Variants in AGPAT4 observed in about 807,000 individuals in gnomAD.
AGPAT4 encodes the protein 1-acylglycerol-3-phosphate O-acyltransferase 4.
A neutral mutation model predicts 48.0 loss-of-function variants in AGPAT4; 15 were observed. The ratio of observed to expected loss-of-function variants is 0.31; its 90% CI spans 0.21 to 0.48. The LOEUF (loss-of-function observed/expected upper bound fraction) is 0.48. Among genes scored for constraint, AGPAT4 ranks in the 20% least tolerant of loss-of-function variants. The pLI is 0.99. For synonymous variants in AGPAT4, 178 were observed against 198.7 expected (o/e 0.90, Z 0.88); for missense variants, 314 against 482.5 (o/e 0.65, Z 3.27).
Position 161,235,715 on chromosome 6 carries a change from G to A in AGPAT4, c.-89-3413C>T, listed in dbSNP as rs1782254929. On this transcript the variant is annotated intron_variant, in intron 1 of 8. Transcript: ENST00000320285. The surrounding 1 kb of genome is among the most constrained non-coding windows in gnomAD (Gnocchi z 6.2). ...GGCATCTTACAAGGCAGGAGGAAGA[G>A]CGAGAGAGAGAGAAGGGGGAGGTGC... Among the ~76,000 whole-genome samples the A allele has an allele frequency of 6.6e-6, 1 of 152,150 alleles. No homozygotes were observed. Among genetic ancestry groups the A allele is most frequent in the Non-Finnish European group, 1.5e-5 (1 of 68,032 alleles).
intron 1 of AGPAT4, among the ~76,000 whole-genome samples, chr6:161,247,086 C>CTATATGT (rs1196819832): frequency 6.6e-6 from 1 of 152,178 alleles, no homozygotes; most frequent in Non-Finnish European, 1.5e-5. Flanking sequence ...CTGCATGAGG[C>CTATATGT]TATATGTTAA....
intron 1 of AGPAT4, among the ~76,000 whole-genome samples, chr6:161,248,115 A>G (rs1562356354): frequency 6.6e-6 from 1 of 152,190 alleles, no homozygotes; most frequent in South Asian, 2.1e-4. Flanking sequence ...TACAGCTAGA[A>G]AACCCCAGTC....
At position 161,218,183 on chromosome 6, in the gene AGPAT4, A is replaced by T. The variant is rs1781708826; in HGVS notation, c.178+13853T>A. On this transcript the variant is annotated intron_variant, in intron 2 of 8. Transcript: ENST00000320285. This position sits in a 1 kb window ranked among gnomAD's most constrained non-coding sequence, Gnocchi z 4.7. Reference sequence around the variant, plus strand: ...TACCCCCGTCCACAGTGACGGTGCCAATGGTGCTGTGCTGGAAAATGGTTA... The same window carrying T: ...TACCCCCGTCCACAGTGACGGTGCCTATGGTGCTGTGCTGGAAAATGGTTA... Among the ~76,000 whole-genome samples, 1 of 152,168 alleles carries T rather than the reference A, an allele frequency of 6.6e-6. No individual in the cohort carries two copies. Among genetic ancestry groups the T allele is most frequent in the African/African-American group, 2.4e-5 (1 of 41,428 alleles).
chr6:161,134,972 T>G lies in AGPAT4; in HGVS notation c.*1568A>C, dbSNP rs1779018338. The G allele has an allele frequency of 6.8e-6, 1 of 147,244 alleles. No homozygotes were observed. Among genetic ancestry groups the G allele is most frequent in the African/African-American group, 2.5e-5 (1 of 39,312 alleles). The allele number at this position is 147,244 out of a possible 1,614,324, so 9.1% of individuals were successfully genotyped here. A position where few individuals can be genotyped will look rare whatever the true frequency, so the allele number is the denominator to read the frequency against. The stretch of plus-strand genomic sequence containing the variant: ...AGCCAGGATTTTTTCCCTTTTTCAC[T>G]TCTGTGGATTCAAATAATTCATTTG... On this transcript the variant is annotated 3_prime_UTR_variant, in exon 9 of 9. Coordinates refer to ENST00000320285, the MANE Select transcript of AGPAT4 (RefSeq NM_020133.3).
chr6:161,163,244 C>T (rs1367700666), intron 3 of AGPAT4, among the ~76,000 whole-genome samples: 1 of 152,260 alleles, frequency 6.6e-6, no homozygotes, highest in Non-Finnish European at 1.5e-5. Context: ...AATTTAAACT[C>T]ATTTCCTCTT....
rs1474176946 is a variant in AGPAT4 at position 161,218,633 on chromosome 6, C to T, written c.178+13403G>A. On this transcript the variant is annotated intron_variant, in intron 2 of 8. Transcript: ENST00000320285. The surrounding 1 kb of genome is among the most constrained non-coding windows in gnomAD (Gnocchi z 4.7). The stretch of plus-strand genomic sequence containing the variant: ...GGGGCAGGATCCTCCGCTCCACGGC[C>T]CTAGCACAGTGTATCCACATCAAAT... Among the ~76,000 whole-genome samples, 2 of 152,180 alleles carry T rather than the reference C, an allele frequency of 1.3e-5. No individual in the cohort carries two copies. Among genetic ancestry groups the T allele is most frequent in the Non-Finnish European group, 2.9e-5 (2 of 68,036 alleles).
rs770490075 is a variant in AGPAT4 at position 161,219,916 on chromosome 6, C to CAGGCAGGCGGGA, written c.178+12119_178+12120insTCCCGCCTGCCT. Among the ~76,000 whole-genome samples the CAGGCAGGCGGGA allele has an allele frequency of 9.4e-6, 1 of 105,990 alleles. No individual in the cohort carries two copies. Among genetic ancestry groups the CAGGCAGGCGGGA allele is most frequent in the Non-Finnish European group, 2.0e-5 (1 of 49,256 alleles). 69.5% of individuals were successfully genotyped at this position (105,990 alleles called of 152,430 possible). On this transcript the variant is annotated intron_variant, in intron 2 of 8. Coordinates refer to ENST00000320285, the MANE Select transcript of AGPAT4 (RefSeq NM_020133.3). The surrounding 1 kb of genome is among the most constrained non-coding windows in gnomAD (Gnocchi z 4.9). ...GCAGGCAGGCAGGCAGGCAGGCAGG[C>CAGGCAGGCGGGA]GGCAGGCAGGCAGGCAGGCAGGCAG...
rs1362289964 is a variant in AGPAT4, at chr6:161,178,016, C to T, written c.179-11599G>A. Reference sequence around the variant, plus strand: ...TGCCTGATCCTTCCTCTGAAAGCTTCGTCTCAGAGGGGCACCTGACTGTAT... The same window carrying T: ...TGCCTGATCCTTCCTCTGAAAGCTTTGTCTCAGAGGGGCACCTGACTGTAT... On this transcript the variant is annotated intron_variant, in intron 2 of 8. Coordinates refer to ENST00000320285, the MANE Select transcript of AGPAT4 (RefSeq NM_020133.3). The surrounding 1 kb of genome is among the most constrained non-coding windows in gnomAD (Gnocchi z 5.1). Among the ~76,000 whole-genome samples the T allele has an allele frequency of 2.0e-5, 3 of 152,202 alleles. No individual in the cohort carries two copies. Among genetic ancestry groups the T allele is most frequent in the Admixed American group, 1.3e-4 (2 of 15,276 alleles).
rs2115022753 is a variant in AGPAT4 at position 161,216,632 on chromosome 6, AG to A, written c.178+15403del. On this transcript the variant is annotated intron_variant, in intron 2 of 8. Coordinates refer to ENST00000320285, the MANE Select transcript of AGPAT4 (RefSeq NM_020133.3). The surrounding 1 kb of genome is among the most constrained non-coding windows in gnomAD (Gnocchi z 4.8). ...GACATGCCCGAAACGAAACCAAAAA[AG>A]GTTTAAAAGGTTTAATTGGACTTAC... is the stretch of plus-strand genomic sequence containing the variant. Among the ~76,000 whole-genome samples, 1 of 152,332 alleles carries A rather than the reference AG, an allele frequency of 6.6e-6. No homozygotes were observed. Among genetic ancestry groups the A allele is most frequent in the South Asian group, 2.1e-4 (1 of 4,826 alleles).
At chr6:161,237,576 A>G (rs1054770711) in intron 1 of AGPAT4, among the ~76,000 whole-genome samples, 2 of 152,208 alleles carry the variant, frequency 1.3e-5, no homozygotes, top group Middle Eastern at 3.2e-3. Context: ...ATATTAGAAT[A>G]CACTGAGTGG....
In AGPAT4 at chr6:161,236,652, C is replaced by T. The variant is rs557685319; in HGVS notation, c.-89-4350G>A. On this transcript the variant is annotated intron_variant, in intron 1 of 8. Transcript: ENST00000320285. This position sits in a 1 kb window ranked among gnomAD's most constrained non-coding sequence, Gnocchi z 5.0. The stretch of plus-strand genomic sequence containing the variant: ...GGAGCAGTGGCTCACACCTGTAATC[C>T]TAGCACTTTGGGAGGCCCAGGTAGG... Among the ~76,000 whole-genome samples the T allele has an allele frequency of 7.2e-5, 11 of 152,090 alleles. No homozygotes were observed. Among genetic ancestry groups the T allele is most frequent in the Admixed American group, 7.2e-4 (11 of 15,290 alleles).
rs76480492 is a variant in AGPAT4, at chr6:161,164,640, A to G, written c.348+1608T>C. On this transcript the variant is annotated intron_variant, in intron 3 of 8. Coordinates refer to ENST00000320285, the MANE Select transcript of AGPAT4 (RefSeq NM_020133.3). This position sits in a 1 kb window ranked among gnomAD's most constrained non-coding sequence, Gnocchi z 7.4. ...TCGGGCAAATCACTCAGCCAAACTG[A>G]GGCTCTGGGGGTTTATTTATAAAAT... is the stretch of plus-strand genomic sequence containing the variant. 0.039 allele frequency among the ~76,000 whole-genome samples: 5,915 copies of G among 152,236 alleles called. 390 individuals are homozygous for G. The highest frequency in any genetic ancestry group is 0.14 in the African/African-American group (5,640 of 41,502).
intron 2 of AGPAT4, among the ~76,000 whole-genome samples, chr6:161,205,102 C>T (rs562898907): frequency 1.2e-4 from 19 of 152,282 alleles, no homozygotes; most frequent in South Asian, 8.3e-4. Flanking sequence ...AGCACAGCAA[C>T]GCCGTTTTGC....
chr6:161,202,893 G>T lies in AGPAT4; in HGVS notation c.178+29143C>A, dbSNP rs556996490. Among the ~76,000 whole-genome samples, 4 of 152,308 alleles carry T rather than the reference G, an allele frequency of 2.6e-5. No individual in the cohort carries two copies. The highest frequency in any genetic ancestry group is 7.2e-5 in the African/African-American group (3 of 41,570). ...TGGGGAAGCCTGGGCTATATGGATAGGTTACTCCAGTTGACAGCCCCAGTT... is the reference window on the plus strand; with the variant it reads ...TGGGGAAGCCTGGGCTATATGGATATGTTACTCCAGTTGACAGCCCCAGTT... On this transcript the variant is annotated intron_variant, in intron 2 of 8. Transcript: ENST00000320285. The surrounding 1 kb of genome is among the most constrained non-coding windows in gnomAD (Gnocchi z 5.4).
At position 161,136,255 on chromosome 6, in the gene AGPAT4, T is replaced by A; in HGVS notation, c.*285A>T. Reference sequence around the variant, plus strand: ...CCCTCCCCTGCAGCCTAAAATACCCTTTCTATGATCACAGAACAAAGTTCA... The same window carrying A: ...CCCTCCCCTGCAGCCTAAAATACCCATTCTATGATCACAGAACAAAGTTCA... On this transcript the variant is annotated 3_prime_UTR_variant, in exon 9 of 9. Transcript: ENST00000320285. 44 of 346,698 alleles carry A rather than the reference T, an allele frequency of 1.3e-4. No individual in the cohort carries two copies. Among genetic ancestry groups the A allele is most frequent in the East Asian group, 2.0e-4 (3 of 14,852 alleles). 21.5% of individuals were successfully genotyped at this position (346,698 alleles called of 1,614,324 possible).
chr6:161,162,353 C>T (rs1202634003), intron 3 of AGPAT4, among the ~76,000 whole-genome samples: 1 of 152,222 alleles, frequency 6.6e-6, no homozygotes, highest in Non-Finnish European at 1.5e-5. Context: ...GAGGTCTCTC[C>T]CGGGTCCCGG....
At position 161,267,254 on chromosome 6, in the gene AGPAT4, A is replaced by G. The variant is rs1288968685; in HGVS notation, c.-90+6684T>C. ...TCTCTGGCTAAACCATAATAAAAAC[A>G]ACACTCCCTGAAAACTATAGTAGCT... On this transcript the variant is annotated intron_variant, in intron 1 of 8. Transcript: ENST00000320285. This position sits in a 1 kb window ranked among gnomAD's most constrained non-coding sequence, Gnocchi z 5.2. Among the ~76,000 whole-genome samples, 4 of 152,192 alleles carry G rather than the reference A, an allele frequency of 2.6e-5. No individual in the cohort carries two copies. Among genetic ancestry groups the G allele is most frequent in the Non-Finnish European group, 5.9e-5 (4 of 68,036 alleles).
intron 2 of AGPAT4, among the ~76,000 whole-genome samples, chr6:161,224,504 C>T (rs1214435599): frequency 5.9e-5 from 9 of 151,534 alleles, no homozygotes; most frequent in South Asian, 2.1e-4. Flanking sequence ...TAGCTGGGCA[C>T]GGTGGCACCT....
chr6:161,151,417 C>A (rs749894495), intron 5 of AGPAT4, among the ~76,000 whole-genome samples: 1 of 152,158 alleles, frequency 6.6e-6, no homozygotes, highest in Non-Finnish European at 1.5e-5. Flanking sequence ...GACGGCCTTG[C>A]GAGGCAAGAC....
Sources: allele counts gnomAD v4.1 joint callset (sites outside exome capture counted in the v4.1 genomes callset), GRCh38; gene constraint gnomAD v4.1.1; non-coding constraint Gnocchi (gnomAD v3.1); transcripts MANE v1.5; gene names NCBI Gene and HGNC (gene_info 2026-07-23, HGNC 2026-07-21).